The following ADRA1B variants were observed in gnomAD, a reference collection of about 807,000 sequenced individuals.
The protein encoded by ADRA1B is adrenoceptor alpha 1B, also known as alpha-1B adrenergic receptor.
In ADRA1B, 17 loss-of-function variants were observed where a neutral mutation model predicts 17.9. That is an observed-to-expected ratio of 0.95 (90% CI 0.65 to 1.42). The LOEUF (loss-of-function observed/expected upper bound fraction) is 1.42, where lower values mean the gene tolerates loss of function less well. Among genes scored for constraint, ADRA1B ranks in the 40% most tolerant of loss-of-function variants. The probability of loss-of-function intolerance (pLI) is 0.00; values close to 1 mark genes in which losing one functional copy is unlikely to be tolerated. For synonymous variants in ADRA1B, 366 were observed against 327.6 expected, an observed-to-expected ratio of 1.12 and a Z score of -1.27; for missense variants, 681 against 722.1, an observed-to-expected ratio of 0.94 and a Z score of 0.65.
chr5:159,867,773 TC>T, intron 1 of ADRA1B: 1 of 152,132 alleles, frequency 6.6e-6, no homozygotes, highest in East Asian at 1.9e-4. Context: ...TGTCAGAGAG[TC>T]CCTGTCATAA....
chr5:159,973,360 T>G (rs971523222), downstream of ADRA1B, among the ~76,000 whole-genome samples: 4 of 152,276 alleles, frequency 2.6e-5, no homozygotes, highest in African/African-American at 9.6e-5. Flanking sequence ...TGACCAACAC[T>G]GAGCAATGTC....
At chr5:159,930,514 G>A (rs775986585) in intron 1 of ADRA1B, among the ~76,000 whole-genome samples, 3 of 152,286 alleles carry the variant, frequency 2.0e-5, no homozygotes, top group East Asian at 1.9e-4. Flanking sequence ...AGGAGGCGGA[G>A]GTTGCAGTGA....
At chr5:159,912,931 C>T (rs558115072), upstream of ADRA1B, among the ~76,000 whole-genome samples, 9 of 152,334 alleles carry the variant, frequency 5.9e-5, no homozygotes, top group East Asian at 3.9e-4. Flanking sequence ...GGTTCACCCA[C>T]GGTACTTAGC....
chr5:159,951,298 C>T, intron 1 of ADRA1B: 1 of 1,332,200 alleles, frequency 7.5e-7, no homozygotes, highest in Non-Finnish European at 1.1e-6. Context: ...CCATTGATGA[C>T]AAGCTTCCCT....
intron 1 of ADRA1B, among the ~76,000 whole-genome samples, chr5:159,963,003 G>A (rs866926045): frequency 1.0e-4 from 14 of 133,830 alleles, no homozygotes; most frequent in Admixed American, 1.6e-4. Context: ...GGACTCGTGC[G>A]ATCCTCCTGC....
chr5:159,871,716 G>A (rs769575772), intron 1 of ADRA1B, among the ~76,000 whole-genome samples: 27 of 152,188 alleles, frequency 1.8e-4, no homozygotes, highest in Non-Finnish European at 1.9e-4. Context: ...GTGGGGTTAG[G>A]ACTTAGACGT....
At chr5:159,957,725 G>T (rs571581413) in intron 1 of ADRA1B, among the ~76,000 whole-genome samples, 253 of 151,632 alleles carry the variant, frequency 1.7e-3, no homozygotes, top group Non-Finnish European at 3.0e-3. Context: ...CACCTGAGGT[G>T]AGGAGTTCGA....
chr5:159,937,456 T>TG, intron 1 of ADRA1B, among the ~76,000 whole-genome samples: 3 of 151,974 alleles, frequency 2.0e-5, no homozygotes, highest in Middle Eastern at 6.8e-3. Context: ...TGTTTTTTTT[T>TG]TTTGAGACAG....
At chr5:159,967,007 G>A (rs1397489866) in intron 1 of ADRA1B, among the ~76,000 whole-genome samples, 2 of 152,176 alleles carry the variant, frequency 1.3e-5, no homozygotes, top group African/African-American at 4.8e-5. Flanking sequence ...AGCAAAGAGA[G>A]CAATTTGGGG....
intron 1 of ADRA1B, among the ~76,000 whole-genome samples, chr5:159,963,251 C>A (rs1755710439): frequency 7.1e-6 from 1 of 140,336 alleles, no homozygotes; most frequent in Non-Finnish European, 1.6e-5. Flanking sequence ...TATACATGAG[C>A]ATTATGTTGA....
At chr5:159,963,288 G>GTATATATATATAGATA (rs1755711081) in intron 1 of ADRA1B, among the ~76,000 whole-genome samples, 1 of 132,702 alleles carries the variant, frequency 7.5e-6, no homozygotes, top group Non-Finnish European at 1.6e-5. Context: ...AACAAAAAAA[G>GTATATATATATAGATA]TATATATATA....
At chr5:159,901,299 T>A (rs1754097830) in intron 1 of ADRA1B, among the ~76,000 whole-genome samples, 1 of 150,350 alleles carries the variant, frequency 6.7e-6, no homozygotes, top group Admixed American at 6.6e-5. Context: ...TGTCAGCAGG[T>A]GCACCCTTCA....
Position 159,972,464 on chromosome 5 carries a change from A to G in ADRA1B, c.1535A>G (p.Asn512Ser), listed in dbSNP as rs1346641951. 1.4e-6 allele frequency: 2 copies of G among 1,427,622 alleles called. No individual in the cohort carries two copies. Among genetic ancestry groups the G allele is most frequent in the African/African-American group, 1.5e-5 (1 of 67,214 alleles). 88.4% of individuals were successfully genotyped at this position (1,427,622 alleles called of 1,614,324 possible). The change falls in exon 2 of 2, where the codon AAC becomes AGC. Residue 512 changes from asparagine (N) to serine (S), a missense_variant. Coordinates refer to ENST00000306675, the MANE Select transcript of ADRA1B (RefSeq NM_000679.4). ...VANGQPGFKS[N>S]MPLAPGQF is the part of the protein sequence containing the mutation. ...AACGGGCAGCCGGGCTTCAAAAGCA[A>G]CATGCCCCTGGCGCCCGGGCAGTTT...
Position 159,972,924 on chromosome 5 carries a change from C to A in ADRA1B, c.*432C>A, listed in dbSNP as rs1755914451. 6.6e-6 allele frequency among the ~76,000 whole-genome samples: 1 copy of A among 152,212 alleles called. No homozygotes were observed. Among genetic ancestry groups the A allele is most frequent in the African/African-American group, 2.4e-5 (1 of 41,456 alleles). On this transcript the variant is annotated 3_prime_UTR_variant, in exon 2 of 2. Coordinates refer to ENST00000306675, the MANE Select transcript of ADRA1B (RefSeq NM_000679.4). ...GCGTTGTGTGTGTCGTGACTTCGTA[C>A]CTCTCAAGCCCCTCCTTGTACTTCA...
intron 1 of ADRA1B, among the ~76,000 whole-genome samples, chr5:159,946,045 C>T (rs776609893): frequency 6.6e-6 from 1 of 152,150 alleles, no homozygotes; most frequent in Non-Finnish European, 1.5e-5. Flanking sequence ...CCGCGCCCAG[C>T]CCGATTTCTG....
chr5:159,903,754 C>G (rs1454140027), intron 1 of ADRA1B, among the ~76,000 whole-genome samples: 1 of 152,162 alleles, frequency 6.6e-6, no homozygotes, highest in Non-Finnish European at 1.5e-5. Flanking sequence ...AACCTCACAT[C>G]CCCTCATCTT....
chr5:159,962,081 C>T (rs1561609528), intron 1 of ADRA1B, among the ~76,000 whole-genome samples: 2 of 152,248 alleles, frequency 1.3e-5, no homozygotes, highest in Non-Finnish European at 2.9e-5. Flanking sequence ...CACTATAGTC[C>T]CAGCTACTCG....
At chr5:159,951,549 C>G in intron 1 of ADRA1B, 1 of 578,174 alleles carries the variant, frequency 1.7e-6, no homozygotes, top group South Asian at 1.7e-5. Flanking sequence ...AGCTGTCTGT[C>G]GAACGGGAGG....
chr5:159,939,964 G>C (rs1267821010), intron 1 of ADRA1B, among the ~76,000 whole-genome samples: 1 of 152,190 alleles, frequency 6.6e-6, no homozygotes, highest in African/African-American at 2.4e-5. Context: ...GCCCATCAGA[G>C]CCTTGTCACA....
Sources: allele counts gnomAD v4.1 joint callset (sites outside exome capture counted in the v4.1 genomes callset), GRCh38; gene constraint gnomAD v4.1.1; transcripts MANE v1.5; gene names NCBI Gene and HGNC (gene_info 2026-07-23, HGNC 2026-07-21).